SETX: variants seen among roughly 807,000 people sequenced by gnomAD.
SETX encodes senataxin.
A neutral mutation model predicts 227.2 loss-of-function variants in SETX; 90 were observed. The ratio of observed to expected loss-of-function variants is 0.40; its 90% confidence interval spans 0.33 to 0.47. The LOEUF (loss-of-function observed/expected upper bound fraction) is 0.47. Among genes scored for constraint, SETX ranks in the 20% least tolerant of loss-of-function variants. The pLI is 0.91. For missense variants in SETX, 3,052 were observed against 3,181.5 expected, an observed-to-expected ratio of 0.96 and a Z score of 0.98; for synonymous variants, 1,210 against 1,113.2, an observed-to-expected ratio of 1.09 and a Z score of -1.73.
At chr9:132,271,457 C>T (rs1842899660) in intron 24 of SETX, among the ~76,000 whole-genome samples, 2 of 152,076 alleles carry the variant, frequency 1.3e-5, no homozygotes, top group Non-Finnish European at 1.5e-5. Flanking sequence ...CCCAGCTACT[C>T]GGGAGGCTGA....
chr9:132,313,392 T>C (rs560081184), intron 10 of SETX, among the ~76,000 whole-genome samples: 5 of 152,104 alleles, frequency 3.3e-5, no homozygotes, highest in South Asian at 2.1e-4. Flanking sequence ...TACTTTTAGT[T>C]TGAAATTATT....
chr9:132,316,126 T>C (rs748552476), intron 10 of SETX, among the ~76,000 whole-genome samples: 11 of 152,222 alleles, frequency 7.2e-5, no homozygotes, highest in Non-Finnish European at 1.0e-4. Context: ...TAGACAGGCG[T>C]GTATATGTTC....
chr9:132,284,884 GT>G (rs958802713), intron 18 of SETX, among the ~76,000 whole-genome samples: 59 of 140,570 alleles, frequency 4.2e-4, no homozygotes, highest in African/African-American at 5.3e-4. Flanking sequence ...TTTTTTTGTT[GT>G]TTTTTTTTTT....
chr9:132,314,906 GTTTTTTTTT>G (rs559979271), intron 10 of SETX, among the ~76,000 whole-genome samples: 2 of 88,492 alleles, frequency 2.3e-5, no homozygotes, highest in Admixed American at 1.4e-4. Context: ...ATTTTATTGT[GTTTTTTTTT>G]TTTTTTTTTT....
At chr9:132,289,947 G>A (rs1008644276) in intron 15 of SETX, among the ~76,000 whole-genome samples, 72 of 152,136 alleles carry the variant, frequency 4.7e-4, no homozygotes, top group African/African-American at 1.7e-3. Context: ...AATGGCTCAC[G>A]CCTATAATCC....
At chr9:132,340,605 G>A (rs962896305) in intron 5 of SETX, among the ~76,000 whole-genome samples, 7 of 152,098 alleles carry the variant, frequency 4.6e-5, no homozygotes, top group Non-Finnish European at 2.9e-5. Flanking sequence ...CTTTACTCCC[G>A]GGCAGAAGCA....
chr9:132,293,170 T>C (rs932758668), intron 15 of SETX, among the ~76,000 whole-genome samples: 7 of 152,128 alleles, frequency 4.6e-5, no homozygotes, highest in African/African-American at 1.7e-4. Flanking sequence ...TATTAACAGA[T>C]TAAAGAAAAT....
rs1173178128 is a variant in SETX, at chr9:132,314,189, T to C, written c.5275-2333A>G. Among the ~76,000 whole-genome samples, 7 of 152,072 alleles carry C rather than the reference T, an allele frequency of 4.6e-5. No homozygotes were observed. In the East Asian group the frequency reaches 1.3e-3, roughly 29 times the overall value. On this transcript the variant is annotated intron_variant, in intron 10 of 25. Coordinates refer to ENST00000224140, the MANE Select transcript of SETX (RefSeq NM_015046.7). ...CTCACCACAACCTCCACCTCCCAGG[T>C]TCAAGTGATTCTCCTGCCTCAGCCT...
At chr9:132,294,542 TAGGTAATACATATGTG>T (rs1221643906) in intron 15 of SETX, among the ~76,000 whole-genome samples, 1 of 152,214 alleles carries the variant, frequency 6.6e-6, no homozygotes, top group East Asian at 1.9e-4. Context: ...ATTCTACGTG[TAGGTAATACATATGTG>T]ATACAAAGGA....
At chr9:132,283,478 G>A in intron 18 of SETX, 65 bp from the exon 19 acceptor site, 4 of 1,571,406 alleles carry the variant, frequency 2.5e-6, no homozygotes, top group African/African-American at 1.4e-5. Context: ...ACAGGCCTAT[G>A]TTTACTATAA....
chr9:132,300,029 C>T (rs1289999775), intron 12 of SETX, among the ~76,000 whole-genome samples: 1 of 148,204 alleles, frequency 6.7e-6, no homozygotes, highest in African/African-American at 2.5e-5. Context: ...ACTTGGGAAG[C>T]TGAGGCAGGA....
intron 11 of SETX, among the ~76,000 whole-genome samples, chr9:132,308,902 G>A (rs1845486323): frequency 6.6e-6 from 1 of 152,110 alleles, no homozygotes; most frequent in Non-Finnish European, 1.5e-5. Context: ...ACTTTGGGAG[G>A]CCAAGACGGG....
At chr9:132,334,199 A>G (rs1847444893) in intron 7 of SETX, among the ~76,000 whole-genome samples, 1 of 152,208 alleles carries the variant, frequency 6.6e-6, no homozygotes, top group East Asian at 1.9e-4. Context: ...TAATCCCAGC[A>G]CTTTGGGAGG....
chr9:132,274,183 T>C (rs529058476), intron 23 of SETX, among the ~76,000 whole-genome samples: 1 of 152,286 alleles, frequency 6.6e-6, no homozygotes, highest in South Asian at 2.1e-4. Context: ...TTTGTCACTA[T>C]TTTGTTGAGG....
chr9:132,297,949 G>C, intron 13 of SETX, 131 bp downstream of exon 13: 1 of 786,544 alleles, frequency 1.3e-6, no homozygotes, highest in Non-Finnish European at 2.1e-6. Flanking sequence ...CAATACTAAA[G>C]AAAACTAACA....
rs779269101 is a variant in SETX, at chr9:132,330,203, C to T, written c.1395G>A (p.Val465=). ...ATTTTTTATTTCTATGCAGTTCAAT[C>T]ACTGATACCAAAATTAGAAGAAAAA... ...TEFFLLILVS[V]IELHRNKKCL... is the part of the protein sequence containing the mutation. The change falls in exon 10 of 26, where the codon GTG becomes GTA. Residue 465 remains valine (V), a synonymous_variant. Coordinates refer to ENST00000224140, the MANE Select transcript of SETX (RefSeq NM_015046.7). 6.4e-7 allele frequency: 1 copy of T among 1,574,402 alleles called. No homozygotes were observed. Among genetic ancestry groups the T allele is most frequent in the East Asian group, 2.3e-5 (1 of 44,444 alleles).
At position 132,330,306 on chromosome 9, in the gene SETX, T is replaced by A. The variant is rs758923765; in HGVS notation, c.1292A>T (p.Gln431Leu). ...TTCAGAGTACAGATGATTAACAACC[T>A]GTGCTATGTAAGCCACACCCAAATC... ...LKDLGVAYIA[Q>L]VVNHLYSEVK... Residue 431 changes from glutamine to leucine, a missense_variant, in exon 10 of 26, where the codon CAG becomes CTG. Transcript: ENST00000224140. 1.9e-6 allele frequency: 3 copies of A among 1,607,438 alleles called. No homozygotes were observed. Among genetic ancestry groups the A allele is most frequent in the South Asian group, 2.2e-5 (2 of 90,574 alleles).
chr9:132,307,972 C>T (rs567404487), intron 11 of SETX, among the ~76,000 whole-genome samples: 10 of 152,122 alleles, frequency 6.6e-5, no homozygotes, highest in Admixed American at 3.3e-4. Context: ...CCACCGCACC[C>T]GGACTACTAG....
Position 132,328,879 on chromosome 9 carries a change from C to T in SETX, c.2719G>A (p.Glu907Lys), listed in dbSNP as rs752537199. ...IPFTEMTNAS[E>K]KKSSPFKDLM... ...TCTTTAAAGGGAGATGATTTCTTCT[C>T]TGAAGCATTGGTCATTTCTGTAAAA... is the stretch of plus-strand genomic sequence containing the variant. The change falls in exon 10 of 26, where the codon GAG (glutamate) becomes AAG (lysine). Residue 907 changes from glutamate to lysine, a missense_variant. This residue lies in a region of SETX where 1,483 missense variants were observed against 1,312.0 expected (regional missense o/e 1.13). Transcript: ENST00000224140. 1 of 1,614,046 alleles carries T rather than the reference C, an allele frequency of 6.2e-7. No individual in the cohort carries two copies. The highest frequency in any genetic ancestry group is 2.2e-5 in the East Asian group (1 of 44,874).
Sources: gnomAD v4.1 joint callset for allele counts (sites outside exome capture counted in the v4.1 genomes callset) on GRCh38, gnomAD v4.1.1 for gene constraint, gnomAD v4.1.1 regional missense constraint, MANE v1.5 for transcripts, NCBI Gene and HGNC (gene_info 2026-07-23, HGNC 2026-07-21) for gene names.